Variants in NTM observed in about 807,000 individuals in gnomAD.
The protein encoded by NTM is IgLON family member 2.
Under a neutral mutation model 42.1 loss-of-function variants are expected in NTM, and 13 were observed. The observed-to-expected ratio is 0.31, with a 90% confidence interval of 0.20 to 0.49. The LOEUF is 0.49. Ranked by LOEUF, NTM falls within the 20% of genes least tolerant of loss-of-function variation. The pLI is 0.99. For synonymous variants in NTM, 187 were observed against 179.2 expected, an observed-to-expected ratio of 1.04 and a Z score of -0.35; for missense variants, 373 against 452.8, an observed-to-expected ratio of 0.82 and a Z score of 1.60.
chr11:131,762,946 G>A (rs2084463037), intron 1 of NTM, among the ~76,000 whole-genome samples: 4 of 152,216 alleles, frequency 2.6e-5, no homozygotes, highest in African/African-American at 9.6e-5. Flanking sequence ...CCTGCTGCTG[G>A]CAGCCCGGGA....
intron 7 of NTM, among the ~76,000 whole-genome samples, chr11:132,327,911 C>A (rs999874655): frequency 1.3e-5 from 2 of 150,970 alleles, no homozygotes; most frequent in African/African-American, 2.4e-5. Flanking sequence ...GTTAATATAC[C>A]ATTAACAAAG....
chr11:131,485,552 C>G (rs987044942), intron 1 of NTM, among the ~76,000 whole-genome samples: 1 of 152,142 alleles, frequency 6.6e-6, no homozygotes, highest in Non-Finnish European at 1.5e-5. Context: ...CTTTGGCCAC[C>G]AAGGCATGTC....
intron 3 of NTM, among the ~76,000 whole-genome samples, chr11:132,155,654 C>A (rs1324516290): frequency 6.6e-6 from 1 of 152,174 alleles, no homozygotes; most frequent in East Asian, 1.9e-4. Context: ...GTGTTCTTAT[C>A]GTCCTAAAAC....
At chr11:132,063,790 C>A (rs1309728676) in intron 2 of NTM, among the ~76,000 whole-genome samples, 2 of 152,146 alleles carry the variant, frequency 1.3e-5, no homozygotes, top group Admixed American at 1.3e-4. Flanking sequence ...ATTAGGAATC[C>A]TGGTATGTGA....
intron 2 of NTM, among the ~76,000 whole-genome samples, chr11:131,948,987 T>C (rs543090462): frequency 6.6e-6 from 1 of 152,174 alleles, no homozygotes; most frequent in Non-Finnish European, 1.5e-5. Flanking sequence ...ACTCCACGTT[T>C]CTCCCTCCCT....
rs11411337 is a variant in NTM at position 131,594,564 on chromosome 11, TAAAA to T, written c.82+223686_82+223689del. Among the ~76,000 whole-genome samples, 14 of 147,874 alleles carry T rather than the reference TAAAA, an allele frequency of 9.5e-5. 1 individual carries two copies. Among genetic ancestry groups the T allele is most frequent in the Admixed American group, 9.4e-4 (14 of 14,818 alleles). ...TGCAGACCACCGCGCCCAGCTAAAT[TAAAA>T]AAAAAAAAATTCTTGAGATGGGGTC... On this transcript the variant is annotated intron_variant, in intron 1 of 8. Coordinates refer to ENST00000683400, the MANE Select transcript of NTM (RefSeq NM_001352005.2).
chr11:132,012,698 T>A (rs1294071097), intron 2 of NTM, among the ~76,000 whole-genome samples: 1 of 152,036 alleles, frequency 6.6e-6, no homozygotes, highest in Non-Finnish European at 1.5e-5. Context: ...CATTAATTCA[T>A]TTTTTAAAAA....
chr11:131,585,418 G>A (rs2058769481), intron 1 of NTM, among the ~76,000 whole-genome samples: 1 of 152,150 alleles, frequency 6.6e-6, no homozygotes, highest in African/African-American at 2.4e-5. Flanking sequence ...CACTCCTCAG[G>A]CCCTCCTTTG....
intron 1 of NTM, among the ~76,000 whole-genome samples, chr11:131,437,706 T>G (rs539269799): frequency 1.3e-5 from 2 of 152,334 alleles, no homozygotes; most frequent in African/African-American, 4.8e-5. Context: ...GTCTCCTGAA[T>G]AGAGCATACT....
At chr11:131,527,426 G>C (rs2050657828) in intron 1 of NTM, among the ~76,000 whole-genome samples, 1 of 152,128 alleles carries the variant, frequency 6.6e-6, no homozygotes, top group African/African-American at 2.4e-5. Context: ...CCACCACCTG[G>C]ATATTCTTAT....
chr11:131,695,449 C>T (rs1023663901), intron 1 of NTM, among the ~76,000 whole-genome samples: 1 of 152,142 alleles, frequency 6.6e-6, no homozygotes, highest in Non-Finnish European at 1.5e-5. Context: ...TTAGAGTGAT[C>T]CGATGAGGCA....
intron 1 of NTM, among the ~76,000 whole-genome samples, chr11:131,639,829 G>A (rs1189894901): frequency 5.9e-5 from 9 of 151,946 alleles, no homozygotes; most frequent in Admixed American, 2.0e-4. Flanking sequence ...GGTGGCGGGC[G>A]CCTGTAGTCC....
At chr11:131,879,601 T>C (rs1204068531) in intron 1 of NTM, among the ~76,000 whole-genome samples, 2 of 152,324 alleles carry the variant, frequency 1.3e-5, no homozygotes, top group East Asian at 3.9e-4. Flanking sequence ...CACTATAATG[T>C]CTTGGGAAAA....
At chr11:131,525,763 G>A (rs60325576) in intron 1 of NTM, among the ~76,000 whole-genome samples, 3,356 of 152,208 alleles carry the variant, frequency 0.022, 127 homozygotes, top group African/African-American at 0.074. Flanking sequence ...ACTTTGGCAA[G>A]GTAATTAATC....
chr11:132,248,997 T>C (rs2139347120), intron 4 of NTM, among the ~76,000 whole-genome samples: 1 of 152,324 alleles, frequency 6.6e-6, no homozygotes, highest in East Asian at 1.9e-4. Flanking sequence ...TTCCCTGCCA[T>C]GGATGCTCGT....
At chr11:131,530,459 T>G (rs1026855880) in intron 1 of NTM, among the ~76,000 whole-genome samples, 1 of 151,342 alleles carries the variant, frequency 6.6e-6, no homozygotes, top group African/African-American at 2.4e-5. Flanking sequence ...ACCAGTTCTT[T>G]TACTGGGGGA....
chr11:131,911,062 T>C (rs1215926026), intron 1 of NTM: 3 of 1,093,214 alleles, frequency 2.7e-6, no homozygotes, highest in South Asian at 2.9e-5. Flanking sequence ...CGCCTCTGGG[T>C]AGCTGGATGA....
intron 4 of NTM, among the ~76,000 whole-genome samples, chr11:132,304,839 C>G (rs1302112558): frequency 1.3e-5 from 2 of 152,168 alleles, no homozygotes; most frequent in African/African-American, 4.8e-5. Context: ...TGTGATTTCT[C>G]TGGGATTGCA....
intron 5 of NTM, among the ~76,000 whole-genome samples, chr11:132,309,433 T>C (rs928826317): frequency 8.5e-5 from 13 of 152,338 alleles, no homozygotes; most frequent in African/African-American, 2.9e-4. Context: ...CGAGGTTATA[T>C]ACTTTTGGCA....
Sources: gnomAD v4.1 joint callset for allele counts (sites outside exome capture counted in the v4.1 genomes callset) on GRCh38, gnomAD v4.1.1 for gene constraint, MANE v1.5 for transcripts, NCBI Gene and HGNC (gene_info 2026-07-23, HGNC 2026-07-21) for gene names.